Variants in PCDH15 observed in about 807,000 individuals in gnomAD.
PCDH15 encodes the protein protocadherin related 15.
Under a neutral mutation model 178.5 loss-of-function variants are expected in PCDH15, and 129 were observed. The observed-to-expected ratio is 0.72, with a 90% CI of 0.63 to 0.84. The LOEUF (loss-of-function observed/expected upper bound fraction) is 0.84. PCDH15 is among the 40% of genes least tolerant of loss of function. The pLI is 0.00. For synonymous variants in PCDH15, 800 were observed against 732.0 expected (o/e 1.09, Z -1.50); for missense variants, 2,230 against 2,099.9 (o/e 1.06, Z -1.21).
At chr10:55,626,191 A>AAAGC (rs1837525463) in intron 2 of PCDH15, among the ~76,000 whole-genome samples, 1 of 151,754 alleles carries the variant, frequency 6.6e-6, no homozygotes, top group African/African-American at 2.4e-5. Context: ...ATAAAATAAA[A>AAAGC]AAGCAAGCAA....
chr10:55,460,683 T>C (rs2132092148), intron 2 of PCDH15, among the ~76,000 whole-genome samples: 1 of 152,274 alleles, frequency 6.6e-6, no homozygotes, highest in Admixed American at 6.5e-5. Context: ...GTATTAATTA[T>C]GTAATTGCCA....
At chr10:54,911,667 C>G (rs1374371283) in intron 2 of PCDH15, among the ~76,000 whole-genome samples, 1 of 152,126 alleles carries the variant, frequency 6.6e-6, no homozygotes, top group East Asian at 1.9e-4. Context: ...AGGGAGGGAC[C>G]AGGTGGAAAG....
At chr10:54,111,901 T>C (rs1590528435) in intron 15 of PCDH15, among the ~76,000 whole-genome samples, 1 of 147,622 alleles carries the variant, frequency 6.8e-6, no homozygotes, top group African/African-American at 2.5e-5. Context: ...CCAAGGCAGG[T>C]AGATCACTTG....
At chr10:55,504,203 G>C (rs1048238386) in intron 2 of PCDH15, among the ~76,000 whole-genome samples, 1 of 151,150 alleles carries the variant, frequency 6.6e-6, no homozygotes, top group African/African-American at 2.4e-5. Flanking sequence ...TTCATCAATT[G>C]TAAAATTAAA....
At chr10:55,426,520 G>C (rs371007836) in intron 2 of PCDH15, among the ~76,000 whole-genome samples, 1 of 152,092 alleles carries the variant, frequency 6.6e-6, no homozygotes, top group Non-Finnish European at 1.5e-5. Flanking sequence ...CCGCAAACCC[G>C]GTAGCCCCAG....
intron 8 of PCDH15, among the ~76,000 whole-genome samples, chr10:54,266,164 T>TAC (rs1005541631): frequency 1.9e-4 from 23 of 123,382 alleles, no homozygotes; most frequent in South Asian, 8.3e-4. Flanking sequence ...CACACACACA[T>TAC]ACACACACAC....
At chr10:54,070,494 G>A (rs964919482) in intron 17 of PCDH15, among the ~76,000 whole-genome samples, 4 of 152,092 alleles carry the variant, frequency 2.6e-5, no homozygotes, top group East Asian at 1.9e-4. Flanking sequence ...GTGAGCCATC[G>A]CACCCAGCTT....
intron 2 of PCDH15, among the ~76,000 whole-genome samples, chr10:55,478,955 TTAAC>T (rs1254357808): frequency 1.3e-5 from 2 of 149,198 alleles, no homozygotes; most frequent in African/African-American, 2.4e-5. Context: ...AAAAAAAACT[TTAAC>T]AAACTAATAA....
chr10:54,143,283 AATTATG>A (rs2043574242), intron 14 of PCDH15, among the ~76,000 whole-genome samples: 1 of 152,164 alleles, frequency 6.6e-6, no homozygotes, highest in Non-Finnish European at 1.5e-5. Context: ...TGTCAGTAAT[AATTATG>A]ATTATTATGT....
chr10:55,601,045 TC>T, intron 2 of PCDH15, among the ~76,000 whole-genome samples: 1 of 152,092 alleles, frequency 6.6e-6, no homozygotes, highest in South Asian at 2.1e-4. Context: ...CCCTCCTGTT[TC>T]TTCACTAAAC....
At chr10:54,016,262 GA>G (rs56196057) in intron 20 of PCDH15, among the ~76,000 whole-genome samples, 105,369 of 148,604 alleles carry the variant, frequency 0.71, 37,538 homozygotes, top group Middle Eastern at 0.8. Context: ...AAGTAAAAAA[GA>G]AAAAAAAAAA....
chr10:54,203,830 G>A (rs1001111839), intron 10 of PCDH15, among the ~76,000 whole-genome samples: 8 of 152,076 alleles, frequency 5.3e-5, no homozygotes, highest in African/African-American at 9.7e-5. Flanking sequence ...CAAATTGACC[G>A]AACTACCAAT....
intron 1 of PCDH15, among the ~76,000 whole-genome samples, chr10:54,671,558 A>C (rs554164773): frequency 6.6e-6 from 1 of 152,176 alleles, no homozygotes; most frequent in Non-Finnish European, 1.5e-5. Flanking sequence ...TCAGTTTAAA[A>C]TTAGGACAAT....
At chr10:55,540,621 A>G (rs754465665) in intron 2 of PCDH15, among the ~76,000 whole-genome samples, 12 of 152,124 alleles carry the variant, frequency 7.9e-5, no homozygotes, top group Non-Finnish European at 1.5e-4. Context: ...TAAAGATGCT[A>G]CTATAAAAGT....
chr10:54,311,400 T>C (rs1266413586), intron 8 of PCDH15, among the ~76,000 whole-genome samples: 1 of 152,092 alleles, frequency 6.6e-6, no homozygotes, highest in Non-Finnish European at 1.5e-5. Context: ...CATAAGGATT[T>C]ATCATGGTTT....
At chr10:55,230,258 A>AG (rs1564913269) in intron 1 of PCDH15, among the ~76,000 whole-genome samples, 1 of 152,032 alleles carries the variant, frequency 6.6e-6, no homozygotes, top group Non-Finnish European at 1.5e-5. Flanking sequence ...AGGAGTTGCA[A>AG]TATTATTTGA....
chr10:54,339,878 C>G (rs1056049866), intron 6 of PCDH15, among the ~76,000 whole-genome samples: 1 of 152,170 alleles, frequency 6.6e-6, no homozygotes, highest in Non-Finnish European at 1.5e-5. Flanking sequence ...CCCCTAATCT[C>G]TGATGTTTCC....
intron 13 of PCDH15, among the ~76,000 whole-genome samples, chr10:54,181,171 A>T (rs534363064): frequency 2.0e-5 from 3 of 152,276 alleles, no homozygotes; most frequent in African/African-American, 7.2e-5. Context: ...TCATTTATTT[A>T]TGTAAACTAT....
intron 1 of PCDH15, among the ~76,000 whole-genome samples, chr10:54,781,118 T>C (rs1173353292): frequency 2.6e-5 from 4 of 152,236 alleles, no homozygotes; most frequent in African/African-American, 7.2e-5. Context: ...CTAGCCCAAG[T>C]GAGAAAAGTC....
Sources: allele counts gnomAD v4.1 joint callset (sites outside exome capture counted in the v4.1 genomes callset), GRCh38; gene constraint gnomAD v4.1.1; transcripts MANE v1.5; gene names NCBI Gene and HGNC (gene_info 2026-07-23, HGNC 2026-07-21).